PSMC3IP: variants seen among roughly 807,000 people sequenced by gnomAD.
The protein encoded by PSMC3IP is PSMC3 interacting protein, also known as homologous-pairing protein 2 homolog.
In PSMC3IP, 26 loss-of-function variants were observed where a neutral mutation model predicts 34.9. The ratio of observed to expected loss-of-function variants is 0.74; its 90% CI spans 0.55 to 1.03. The LOEUF (loss-of-function observed/expected upper bound fraction) is 1.03. Among genes scored for constraint, PSMC3IP ranks in the 50% least tolerant of loss-of-function variants. The pLI, the probability that PSMC3IP is intolerant of heterozygous loss-of-function variation, is 0.00. For synonymous variants in PSMC3IP, 87 were observed against 96.5 expected (o/e 0.90, Z 0.57); for missense variants, 250 against 263.1 (o/e 0.95, Z 0.34).
intron 4 of PSMC3IP, 55 bp downstream of exon 4, chr17:42,574,044 A>T (rs1211893059): frequency 6.2e-7 from 1 of 1,606,726 alleles, no homozygotes; most frequent in South Asian, 1.1e-5. Flanking sequence ...GTAATTCCTG[A>T]CCTCTAGAAT....
Position 42,577,456 on chromosome 17 carries a change from C to G in PSMC3IP, c.135+5G>C. On this transcript the variant is annotated splice_donor_5th_base_variant and intron_variant, in intron 2 of 7. Transcript: ENST00000393795. Reference sequence around the variant, plus strand: ...GGAGAGGGAATCCCGGGAGAAGGTCCTCACCGCCTTGCCCAGTCCGTGTTC... The same window carrying G: ...GGAGAGGGAATCCCGGGAGAAGGTCGTCACCGCCTTGCCCAGTCCGTGTTC... 6.2e-7 allele frequency: 1 copy of G among 1,613,968 alleles called. No homozygotes were observed. The highest frequency in any genetic ancestry group is 8.5e-7 in the Non-Finnish European group (1 of 1,179,894).
At chr17:42,573,243 G>A (rs897389686) in intron 6 of PSMC3IP, 68 bp downstream of exon 6, 22 of 1,613,808 alleles carry the variant, frequency 1.4e-5, no homozygotes, top group East Asian at 8.9e-5. Context: ...ATTGTGTAGC[G>A]GCTGATCTGG....
At chr17:42,577,108 GGT>G (rs2093080009) in intron 3 of PSMC3IP, 103 bp downstream of exon 3, 3 of 1,576,936 alleles carry the variant, frequency 1.9e-6, no homozygotes, top group Non-Finnish European at 2.6e-6. Context: ...GCCTAAGACA[GGT>G]GAGTTTTCCA....
rs574439235 is a variant in PSMC3IP at position 42,573,364 on chromosome 17, C to T, written c.484G>A (p.Val162Met). The T allele has an allele frequency of 1.2e-5, 20 of 1,614,192 alleles. No homozygotes were observed. In the East Asian group the frequency reaches 4.0e-4, roughly 32 times the overall value. Residue 162 changes from valine to methionine, a missense_variant and splice_region_variant, in exon 6 of 8, where the codon GTG (valine) becomes ATG (methionine). Val to Met is a conservative substitution (Grantham distance 21). Coordinates refer to ENST00000393795, the MANE Select transcript of PSMC3IP (RefSeq NM_016556.4). ...CAGTACTTCTGCCTCTCTCTGTACA[C>T]CTAGAAGGAAAAAGCAAGTTCCTCT... is the stretch of plus-strand genomic sequence containing the variant. ...NHVTPEEKEQ[V>M]YRERQKYCKE...
At chr17:42,577,735 G>C, upstream of PSMC3IP, 1 of 1,610,730 alleles carries the variant, frequency 6.2e-7, no homozygotes, top group Non-Finnish European at 8.5e-7. Flanking sequence ...TAGTTGCTCG[G>C]GGCGACGGCT....
chr17:42,576,242 A>C (rs2093074861), intron 3 of PSMC3IP, among the ~76,000 whole-genome samples: 1 of 152,210 alleles, frequency 6.6e-6, no homozygotes, highest in Non-Finnish European at 1.5e-5. Flanking sequence ...GGATAGAAAA[A>C]TAATGAGGAT....
At chr17:42,576,038 CAAT>C (rs907348759) in intron 3 of PSMC3IP, among the ~76,000 whole-genome samples, 13 of 151,910 alleles carry the variant, frequency 8.6e-5, no homozygotes, top group African/African-American at 2.4e-4. Context: ...ACAACAACAA[CAAT>C]AACAAAAAGA....
At chr17:42,577,810 A>C, upstream of PSMC3IP, 1 of 1,190,386 alleles carries the variant, frequency 8.4e-7, no homozygotes, top group South Asian at 1.3e-5. Context: ...CCGGAGGAGC[A>C]AAGCGACCCC....
intron 2 of PSMC3IP, 61 bp from the exon 3 acceptor site, chr17:42,577,363 G>A: frequency 6.2e-7 from 1 of 1,608,518 alleles, no homozygotes; most frequent in Non-Finnish European, 8.5e-7. Context: ...GGGAAATCCA[G>A]CCAGTGATGT....
At position 42,574,168 on chromosome 17, in the gene PSMC3IP, C is replaced by G. The variant is rs1432607545; in HGVS notation, c.268G>C (p.Asp90His). 2 of 1,614,166 alleles carry G rather than the reference C, an allele frequency of 1.2e-6. No individual in the cohort carries two copies. Among genetic ancestry groups the G allele is most frequent in the Non-Finnish European group, 1.7e-6 (2 of 1,180,030 alleles). ...MVSDADLQVL[D>H]GKIVALTAKV... ...GCAGTGAGGGCCACGATTTTGCCAT[C>G]TAGGACTTGAAGGTCAGCATCACTC... is the stretch of plus-strand genomic sequence containing the variant. The change falls in exon 4 of 8, where the codon GAT (aspartate) becomes CAT (histidine). Residue 90 changes from aspartate (D) to histidine (H), a missense_variant. Transcript: ENST00000393795.
In PSMC3IP at chr17:42,577,496, C is replaced by T. The variant is rs372837436; in HGVS notation, c.100G>A (p.Gly34Arg). 6.2e-7 allele frequency: 1 copy of T among 1,614,046 alleles called. No individual in the cohort carries two copies. The highest frequency in any genetic ancestry group is 1.3e-5 in the African/African-American group (1 of 74,926). ...NRPYSSQDVF[G>R]NLQREHGLGK... ...AGTCCGTGTTCCCGCTGTAGGTTCC[C>T]GAACACATCCTGGGAGCTGTAGGGC... is the stretch of plus-strand genomic sequence containing the variant. Residue 34 changes from glycine to arginine, a missense_variant, in exon 2 of 8, where the codon GGG (glycine) becomes AGG (arginine). By Grantham distance (125) the Gly-to-Arg change is moderately radical. Transcript: ENST00000393795.
At chr17:42,576,135 A>G (rs2093074140) in intron 3 of PSMC3IP, among the ~76,000 whole-genome samples, 2 of 152,394 alleles carry the variant, frequency 1.3e-5, no homozygotes, top group Middle Eastern at 3.4e-3. Flanking sequence ...GAAATCCTCA[A>G]GGAAAGAAAG....
At chr17:42,573,082 AAAG>A (rs749819833) in intron 7 of PSMC3IP, 22 bp downstream of exon 7, 12 of 1,614,086 alleles carry the variant, frequency 7.4e-6, no homozygotes, top group South Asian at 6.6e-5. Flanking sequence ...ACAGGGAAGC[AAAG>A]AAGGAAGAGA....
rs866891637 is a variant in PSMC3IP, at chr17:42,577,405, C to T, written c.135+56G>A. The T allele has an allele frequency of 3.7e-6, 6 of 1,610,514 alleles. No homozygotes were observed. In the African/African-American group the frequency reaches 4.0e-5, roughly 11 times the overall value. Reference sequence around the variant, plus strand: ...CGCCCAAGGCTCCAAAGGGCACGACCCCAGCCTGAATCCAGGGAGTCCGAC... The same window carrying T: ...CGCCCAAGGCTCCAAAGGGCACGACTCCAGCCTGAATCCAGGGAGTCCGAC... On this transcript the variant is annotated intron_variant, in intron 2 of 7. Transcript: ENST00000393795.
intron 3 of PSMC3IP, among the ~76,000 whole-genome samples, chr17:42,574,568 A>G (rs951285403): frequency 3.3e-5 from 5 of 152,184 alleles, no homozygotes; most frequent in Non-Finnish European, 7.3e-5. Flanking sequence ...GGGTTTCCAT[A>G]ATAGATAGAA....
chr17:42,573,566 T>G lies in PSMC3IP; in HGVS notation c.395A>C (p.Glu132Ala). 6.2e-7 allele frequency: 1 copy of G among 1,614,138 alleles called. No individual in the cohort carries two copies. The highest frequency in any genetic ancestry group is 8.5e-7 in the Non-Finnish European group (1 of 1,180,002). ...GTAGCCAGCGCATTCCTTCTTTAAC[T>G]CCTGGATTTCTTTCTGCATCTCTGG... ...TTPEMQKEIQ[E>A]LKKECAGYRE... Residue 132 changes from glutamate (E) to alanine (A), a missense_variant, in exon 5 of 8, where the codon GAG becomes GCG. Glu to Ala is a moderately radical substitution (Grantham distance 107). Transcript: ENST00000393795.
intron 3 of PSMC3IP, among the ~76,000 whole-genome samples, chr17:42,576,430 TAGG>T (rs1273768439): frequency 6.6e-6 from 1 of 152,148 alleles, no homozygotes; most frequent in East Asian, 1.9e-4. Flanking sequence ...CAAGATCTGT[TAGG>T]AGGATACTGC....
intron 3 of PSMC3IP, among the ~76,000 whole-genome samples, chr17:42,574,538 G>A (rs908591547): frequency 2.6e-5 from 4 of 152,156 alleles, no homozygotes; most frequent in Admixed American, 6.5e-5. Context: ...TTGTTCCCAC[G>A]GTGGGGAAAC....
rs1375542935 is a variant in PSMC3IP, at chr17:42,577,633, C to T, written c.34+20G>A. ...ACCCACTGCCCTCCCGGGTCTTCCC[C>T]GCGCCCACGGCGCCGTTACCTCCCG... On this transcript the variant is annotated intron_variant, in intron 1 of 7. Transcript: ENST00000393795. The T allele has an allele frequency of 1.2e-5, 20 of 1,614,048 alleles. No homozygotes were observed. Among genetic ancestry groups the T allele is most frequent in the Non-Finnish European group, 1.7e-5 (20 of 1,180,048 alleles).
Sources: allele counts gnomAD v4.1 joint callset (sites outside exome capture counted in the v4.1 genomes callset), GRCh38; gene constraint gnomAD v4.1.1; transcripts MANE v1.5; gene names NCBI Gene and HGNC (gene_info 2026-07-23, HGNC 2026-07-21).